The following PLEKHG5 variants were observed in gnomAD, a reference collection of about 807,000 sequenced individuals.
PLEKHG5 encodes the protein pleckstrin homology and RhoGEF domain containing G5, also known as pleckstrin homology domain-containing family G member 5.
In PLEKHG5, 52 loss-of-function variants were observed where a neutral mutation model predicts 103.8. The observed-to-expected ratio is 0.50, with a 90% confidence interval of 0.40 to 0.63. The LOEUF (loss-of-function observed/expected upper bound fraction) is 0.63, where lower values mean the gene tolerates loss of function less well. Among genes scored for constraint, PLEKHG5 ranks in the 30% least tolerant of loss-of-function variants. The probability of loss-of-function intolerance (pLI) is 0.00; values close to 1 mark genes in which losing one functional copy is unlikely to be tolerated. For synonymous variants in PLEKHG5, 592 were observed against 575.5 expected (o/e 1.03, Z -0.41); for missense variants, 1,205 against 1,347.6 (o/e 0.89, Z 1.66).
At chr1:6,513,975 C>T (rs1238597593) in intron 1 of PLEKHG5, among the ~76,000 whole-genome samples, 1 of 152,194 alleles carries the variant, frequency 6.6e-6, no homozygotes. Flanking sequence ...CTGAGAGCCT[C>T]CCATATGGGC....
intron 1 of PLEKHG5, among the ~76,000 whole-genome samples, chr1:6,511,624 C>A (rs751100583): frequency 2.6e-5 from 4 of 152,182 alleles, no homozygotes; most frequent in African/African-American, 9.7e-5. Flanking sequence ...GGCCCCCAGG[C>A]GCTGGGACTG....
chr1:6,519,869 C>T (rs1457503497), exon 1 of PLEKHG5: 1 of 381,330 alleles, frequency 2.6e-6, no homozygotes, highest in African/African-American at 2.1e-5. Context: ...CTGGAATGGG[C>T]TCCCACACTG....
chr1:6,475,200 CTCCCCACCCTCCTTCCCACCCTCCT>C, intron 4 of PLEKHG5, 62 bp from the exon 5 acceptor site: 1 of 829,260 alleles, frequency 1.2e-6, no homozygotes, highest in South Asian at 1.4e-5. Flanking sequence ...TCCCGCCCTC[CTCCCCACCCTCCTTCCCACCCTCCT>C]TCCCAACCCT....
intron 9 of PLEKHG5, 129 bp from the exon 10 acceptor site, chr1:6,472,751 C>T (rs1283365810): frequency 7.9e-6 from 6 of 763,516 alleles, no homozygotes; most frequent in Non-Finnish European, 1.1e-5. Context: ...GGAGCAGGGT[C>T]ACCCTTGACA....
intron 1 of PLEKHG5, among the ~76,000 whole-genome samples, chr1:6,478,378 A>G (rs1265287141): frequency 6.6e-6 from 1 of 152,156 alleles, no homozygotes; most frequent in African/African-American, 2.4e-5. Context: ...CATGTTGCCC[A>G]GGCTGGTCTC....
intron 1 of PLEKHG5, among the ~76,000 whole-genome samples, chr1:6,516,605 C>T (rs1051867125): frequency 4.0e-5 from 6 of 150,736 alleles, no homozygotes; most frequent in Non-Finnish European, 5.9e-5. Context: ...TGCAGTGAGC[C>T]GAGATCACAC....
chr1:6,474,671 C>G (rs1644706379), intron 5 of PLEKHG5, 84 bp from the exon 6 acceptor site: 2 of 1,366,274 alleles, frequency 1.5e-6, no homozygotes, highest in Non-Finnish European at 2.0e-6. Flanking sequence ...AGCCCCCGCC[C>G]CACCCACAGC....
At chr1:6,508,148 G>A (rs1048161086) in intron 1 of PLEKHG5, among the ~76,000 whole-genome samples, 3 of 147,574 alleles carry the variant, frequency 2.0e-5, no homozygotes, top group African/African-American at 7.5e-5. Flanking sequence ...ACTGTGGGCT[G>A]AGCACAAGGG....
At chr1:6,498,869 C>T (rs1480205786), upstream of PLEKHG5, among the ~76,000 whole-genome samples, 1 of 152,236 alleles carries the variant, frequency 6.6e-6, no homozygotes, top group Non-Finnish European at 1.5e-5. Flanking sequence ...GTGGAGGCAG[C>T]CGAGGCAAGA....
chr1:6,474,717 G>T, intron 5 of PLEKHG5, 130 bp from the exon 6 acceptor site: 1 of 907,700 alleles, frequency 1.1e-6, no homozygotes, highest in Non-Finnish European at 1.7e-6. Flanking sequence ...GAAAAGGGAA[G>T]CCCGCATGGG....
chr1:6,470,149 G>A (rs1268804657), intron 16 of PLEKHG5, 87 bp downstream of exon 16: 16 of 1,430,792 alleles, frequency 1.1e-5, no homozygotes, highest in Non-Finnish European at 1.5e-5. Flanking sequence ...AACCACCGAA[G>A]GGACTGCAGA....
chr1:6,467,861 C>G lies in PLEKHG5; in HGVS notation c.2975G>C (p.Arg992Thr), dbSNP rs750720112. The G allele has an allele frequency of 6.2e-7, 1 of 1,613,116 alleles. No homozygotes were observed. The highest frequency in any genetic ancestry group is 1.7e-5 in the Admixed American group (1 of 59,986). ...CGTGGAGTTAAGCAGCAGGGTGGTC[C>G]TGATTCGGTAGAGCTGGGCCAGGGT... ...KLTLAQLYRI[R>T]TTLLLNSTLT... The change falls in exon 20 of 21, where the codon AGG becomes ACG. Residue 992 changes from arginine to threonine, a missense_variant. Transcript: ENST00000377728.
chr1:6,476,858 G>T (rs968137399), intron 2 of PLEKHG5, among the ~76,000 whole-genome samples: 5 of 152,090 alleles, frequency 3.3e-5, no homozygotes, highest in African/African-American at 1.2e-4. Context: ...GGGTTCAAGC[G>T]ATCCTTCCAC....
chr1:6,505,851 T>A lies in PLEKHG5; in HGVS notation c.-164-9282A>T, dbSNP rs1553179753. On this transcript the variant is annotated intron_variant, in intron 1 of 21. Coordinates refer to the PLEKHG5 transcript ENST00000377740. The surrounding 1 kb of genome is among the most constrained non-coding windows in gnomAD (Gnocchi z 4.2). ...CCCTCTGGCCCCCAGGGTCCTCATT[T>A]CCGGGTCCTCTCCTGCACCAGCGGC... Among the ~76,000 whole-genome samples the A allele has an allele frequency of 6.6e-6, 1 of 152,130 alleles. No individual in the cohort carries two copies. Among genetic ancestry groups the A allele is most frequent in the Non-Finnish European group, 1.5e-5 (1 of 68,012 alleles).
chr1:6,475,618 C>T, intron 3 of PLEKHG5, 96 bp from the exon 4 acceptor site: 1 of 1,063,362 alleles, frequency 9.4e-7, no homozygotes, highest in Admixed American at 1.7e-5. Context: ...CCTTGGCTCA[C>T]CCCAGGTGAC....
chr1:6,492,237 C>G (rs1645160813), upstream of PLEKHG5, among the ~76,000 whole-genome samples: 1 of 152,166 alleles, frequency 6.6e-6, no homozygotes. Flanking sequence ...ACTACCTCCT[C>G]CATGATAAAC....
At chr1:6,514,664 G>C (rs1638566395) in intron 1 of PLEKHG5, among the ~76,000 whole-genome samples, 1 of 151,500 alleles carries the variant, frequency 6.6e-6, no homozygotes, top group African/African-American at 2.4e-5. Context: ...GGGAGGCTGA[G>C]GCATGAGAAT....
Position 6,475,482 on chromosome 1 carries a change from C to T in PLEKHG5, c.190G>A (p.Ala64Thr), listed in dbSNP as rs1160064455. ...STGLKLSKKK[A>T]RRRHTDDPSK... ...CTCACATCCGTGTGTCTCCTCCTTGCTTTCTTCTTGGAGAGTTTCAGGCCT... is the reference window on the plus strand; with the variant it reads ...CTCACATCCGTGTGTCTCCTCCTTGTTTTCTTCTTGGAGAGTTTCAGGCCT... The change falls in exon 4 of 21, where the codon GCA (alanine) becomes ACA (threonine). Residue 64 changes from alanine (A) to threonine (T), a missense_variant. Physicochemically the swap from Ala to Thr is moderately conservative, Grantham distance 58 (BLOSUM62 0). Transcript: ENST00000377728. 1 of 1,613,642 alleles carries T rather than the reference C, an allele frequency of 6.2e-7. No individual in the cohort carries two copies. The highest frequency in any genetic ancestry group is 2.2e-5 in the East Asian group (1 of 44,846).
upstream of PLEKHG5, among the ~76,000 whole-genome samples, chr1:6,492,549 C>T (rs749953495): frequency 5.9e-5 from 9 of 152,082 alleles, no homozygotes; most frequent in African/African-American, 4.8e-5. Flanking sequence ...AGGGCAGGTA[C>T]GGAGGGCACA....
Sources: allele counts gnomAD v4.1 joint callset (sites outside exome capture counted in the v4.1 genomes callset), GRCh38; gene constraint gnomAD v4.1.1; non-coding constraint Gnocchi (gnomAD v3.1); transcripts MANE v1.5; gene names NCBI Gene and HGNC (gene_info 2026-07-23, HGNC 2026-07-21).